Variants in ADAMTSL1 observed in about 807,000 individuals in gnomAD.
ADAMTSL1 encodes the protein ADAMTS-like protein 1.
ADAMTSL1 carries 126 observed loss-of-function variants against 201.8 expected under a neutral mutation model. The observed-to-expected ratio is 0.62, with a 90% confidence interval of 0.54 to 0.72. ADAMTSL1 has a LOEUF of 0.72. ADAMTSL1 is among the 30% of genes least tolerant of loss of function. ADAMTSL1 has a pLI of 0.00. For synonymous variants in ADAMTSL1, 1,121 were observed against 903.4 expected (o/e 1.24, Z -4.32); for missense variants, 2,679 against 2,277.8 (o/e 1.18, Z -3.59).
At chr9:18,336,289 TA>T (rs35291614) in intron 2 of ADAMTSL1, among the ~76,000 whole-genome samples, 11,624 of 151,798 alleles carry the variant, frequency 0.077, 532 homozygotes, top group East Asian at 0.15. Flanking sequence ...ATTTTGCTTT[TA>T]GGGGGACGAT....
chr9:18,453,259 T>C (rs1587259701), intron 2 of ADAMTSL1, among the ~76,000 whole-genome samples: 2 of 152,104 alleles, frequency 1.3e-5, no homozygotes, highest in East Asian at 1.9e-4. Flanking sequence ...AGACCCAAGG[T>C]AGCTCTGGGT....
intron 23 of ADAMTSL1, among the ~76,000 whole-genome samples, chr9:18,870,010 C>A (rs531128794): frequency 2.7e-4 from 41 of 152,172 alleles, no homozygotes; most frequent in Admixed American, 2.7e-3. Flanking sequence ...CTCCTGCCAG[C>A]TCTAATCTTC....
At chr9:18,122,561 C>T (rs528316593) in intron 1 of ADAMTSL1, among the ~76,000 whole-genome samples, 3 of 152,112 alleles carry the variant, frequency 2.0e-5, no homozygotes, top group Admixed American at 6.6e-5. Context: ...TTATGCTAAG[C>T]ATAAATGGCC....
intron 2 of ADAMTSL1, among the ~76,000 whole-genome samples, chr9:18,405,755 AT>A (rs1305747046): frequency 1.3e-5 from 2 of 152,246 alleles, no homozygotes; most frequent in Non-Finnish European, 2.9e-5. Context: ...ATGTTTAGAT[AT>A]AGAAGACCTT....
In ADAMTSL1 at chr9:18,216,631, A is replaced by C. The variant is rs571728652; in HGVS notation, c.207+52650A>C. Among the ~76,000 whole-genome samples, 3 of 149,674 alleles carry C rather than the reference A, an allele frequency of 2.0e-5. No individual in the cohort carries two copies. The South Asian group carries it at 6.4e-4, about 32-fold the overall frequency. ...ACAGATTTGGGCACGCAGCAGTGAC[A>C]TACAACTCTTGCTCTCCTTTTTTTT... is the stretch of plus-strand genomic sequence containing the variant. On this transcript the variant is annotated intron_variant, in intron 2 of 29. Transcript: ENST00000680146.
At chr9:18,563,008 C>T (rs1407779621) in intron 3 of ADAMTSL1, among the ~76,000 whole-genome samples, 1 of 152,198 alleles carries the variant, frequency 6.6e-6, no homozygotes, top group African/African-American at 2.4e-5. Flanking sequence ...CTTCTGAAGC[C>T]TACTTCTGTC....
At chr9:18,276,072 A>T (rs886874385) in intron 2 of ADAMTSL1, among the ~76,000 whole-genome samples, 1 of 152,106 alleles carries the variant, frequency 6.6e-6, no homozygotes, top group African/African-American at 2.4e-5. Flanking sequence ...TTAGCCACCA[A>T]AAGTCTTTAG....
intron 2 of ADAMTSL1, among the ~76,000 whole-genome samples, chr9:18,462,381 G>A (rs563695299): frequency 6.6e-6 from 1 of 152,238 alleles, no homozygotes; most frequent in South Asian, 2.1e-4. Flanking sequence ...GCTACATACT[G>A]GGGTACAGTG....
chr9:18,591,623 G>A (rs940380566), intron 4 of ADAMTSL1, among the ~76,000 whole-genome samples: 1 of 152,062 alleles, frequency 6.6e-6, no homozygotes, highest in Non-Finnish European at 1.5e-5. Context: ...TTGTGCCTAA[G>A]TGATTTTTCT....
At chr9:18,508,434 T>A (rs1484047122) in intron 2 of ADAMTSL1, among the ~76,000 whole-genome samples, 2 of 152,242 alleles carry the variant, frequency 1.3e-5, no homozygotes, top group Non-Finnish European at 2.9e-5. Flanking sequence ...AGATGATTTA[T>A]AGTCTCCTCC....
At chr9:18,691,744 G>A (rs1048833989) in intron 13 of ADAMTSL1, among the ~76,000 whole-genome samples, 4 of 152,120 alleles carry the variant, frequency 2.6e-5, no homozygotes, top group African/African-American at 9.7e-5. Context: ...TCTTGACCTT[G>A]GGAAAGTCAT....
intron 1 of ADAMTSL1, among the ~76,000 whole-genome samples, chr9:18,025,514 T>G (rs1428376024): frequency 6.6e-6 from 1 of 152,062 alleles, no homozygotes; most frequent in Non-Finnish European, 1.5e-5. Context: ...AATAGAGTCC[T>G]TTCCCCATTG....
At chr9:18,235,939 C>T (rs1264522922) in intron 2 of ADAMTSL1, among the ~76,000 whole-genome samples, 3 of 152,188 alleles carry the variant, frequency 2.0e-5, no homozygotes. Flanking sequence ...TTGCTAGACA[C>T]TAAGAAAAAG....
chr9:18,462,157 G>A (rs1173707441), intron 2 of ADAMTSL1, among the ~76,000 whole-genome samples: 1 of 152,120 alleles, frequency 6.6e-6, no homozygotes, highest in African/African-American at 2.4e-5. Context: ...TGTGCTTAAG[G>A]TATACAGAAT....
intron 1 of ADAMTSL1, among the ~76,000 whole-genome samples, chr9:18,126,415 AT>A (rs1428187458): frequency 6.6e-6 from 1 of 152,056 alleles, no homozygotes; most frequent in Non-Finnish European, 1.5e-5. Flanking sequence ...TTATCCTTCT[AT>A]TTAGGGTCCA....
intron 1 of ADAMTSL1, among the ~76,000 whole-genome samples, chr9:18,108,341 A>G (rs1824854631): frequency 6.6e-6 from 1 of 151,962 alleles, no homozygotes. Context: ...CTGGGAGTAC[A>G]GGCTTGTGCC....
chr9:18,128,903 A>G (rs1201490767), intron 1 of ADAMTSL1, among the ~76,000 whole-genome samples: 2 of 152,182 alleles, frequency 1.3e-5, no homozygotes, highest in Non-Finnish European at 2.9e-5. Flanking sequence ...ATCAAGGTAT[A>G]AAATATTTTC....
chr9:18,794,623 G>C (rs1010981859), intron 19 of ADAMTSL1, among the ~76,000 whole-genome samples: 6 of 128,000 alleles, frequency 4.7e-5, no homozygotes, highest in African/African-American at 1.9e-4. Context: ...GTTGTTTTTT[G>C]TTGTTTTTTT....
At chr9:18,473,567 G>A (rs1054059333), upstream of ADAMTSL1, among the ~76,000 whole-genome samples, 1 of 152,080 alleles carries the variant, frequency 6.6e-6, no homozygotes, top group African/African-American at 2.4e-5. Context: ...AATGTATAGA[G>A]TATTTATTTT....
Sources: allele counts gnomAD v4.1 joint callset (sites outside exome capture counted in the v4.1 genomes callset), GRCh38; gene constraint gnomAD v4.1.1; transcripts MANE v1.5; gene names NCBI Gene and HGNC (gene_info 2026-07-23, HGNC 2026-07-21).